GFRA1: variants seen among roughly 807,000 people sequenced by gnomAD.
The protein encoded by GFRA1 is GDNF family receptor alpha-1.
In GFRA1, 16 loss-of-function variants were observed where a neutral mutation model predicts 51.6. That is an observed-to-expected ratio of 0.31 (90% CI 0.21 to 0.47). The LOEUF (loss-of-function observed/expected upper bound fraction) is 0.47, where lower values mean the gene tolerates loss of function less well. Ranked by LOEUF, GFRA1 falls within the 20% of genes least tolerant of loss-of-function variation. The pLI is 1.00. For missense variants in GFRA1, 530 were observed against 594.3 expected (o/e 0.89, Z 1.13); for synonymous variants, 270 against 241.3 (o/e 1.12, Z -1.10).
At chr10:116,184,355 G>C (rs1213673168) in intron 5 of GFRA1, among the ~76,000 whole-genome samples, 1 of 152,046 alleles carries the variant, frequency 6.6e-6, no homozygotes, top group Non-Finnish European at 1.5e-5. Context: ...CACGCAGCTT[G>C]GAGGAGGGCA....
At chr10:116,117,557 G>GTGGATGGA (rs75233028) in intron 6 of GFRA1, among the ~76,000 whole-genome samples, 4,437 of 97,342 alleles carry the variant, frequency 0.046, 158 homozygotes, top group African/African-American at 0.076. Context: ...GGGTGGGTGT[G>GTGGATGGA]TGGATGGATG....
At chr10:116,237,649 T>C (rs1283261330) in intron 4 of GFRA1, among the ~76,000 whole-genome samples, 1 of 150,842 alleles carries the variant, frequency 6.6e-6, no homozygotes, top group Non-Finnish European at 1.5e-5. Context: ...CTTCTCTAGA[T>C]AGCTACATCC....
intron 5 of GFRA1, among the ~76,000 whole-genome samples, chr10:116,173,874 CG>C (rs1961303133): frequency 3.8e-5 from 1 of 25,992 alleles, no homozygotes; most frequent in Non-Finnish European, 8.5e-5. Flanking sequence ...GTCGGGAGTT[CG>C]ATCGAGACCA....
intron 6 of GFRA1, among the ~76,000 whole-genome samples, chr10:116,101,180 G>C (rs2694779): frequency 0.18 from 27,348 of 152,160 alleles, 2,497 homozygotes; most frequent in East Asian, 0.23. Flanking sequence ...CCTGGGTTAT[G>C]AATCACACTG....
At chr10:116,253,481 G>A (rs963469138) in intron 4 of GFRA1, among the ~76,000 whole-genome samples, 5 of 152,194 alleles carry the variant, frequency 3.3e-5, no homozygotes, top group Non-Finnish European at 7.3e-5. Context: ...TGGGGTGCAT[G>A]CCTGTAGTCC....
rs534173587 is a variant in GFRA1, at chr10:116,065,526, G to C, written c.1251+47C>G. On this transcript the variant is annotated intron_variant, in intron 10 of 10. Transcript: ENST00000355422. Reference sequence around the variant, plus strand: ...ATACCCTGCCCCCAGGGGCCCAAAGGCTATGTTTCTATAAATGCACGAAGC... The same window carrying C: ...ATACCCTGCCCCCAGGGGCCCAAAGCCTATGTTTCTATAAATGCACGAAGC... 18 of 1,491,212 alleles carry C rather than the reference G, an allele frequency of 1.2e-5. No individual in the cohort carries two copies. In the African/African-American group the frequency reaches 2.1e-4, roughly 17 times the overall value. 92.4% of individuals were successfully genotyped at this position (1,491,212 alleles called of 1,614,324 possible). A position where few individuals can be genotyped will look rare whatever the true frequency, so the allele number is the denominator to read the frequency against.
chr10:116,269,071 A>G (rs1238061695), intron 4 of GFRA1, among the ~76,000 whole-genome samples: 3 of 152,190 alleles, frequency 2.0e-5, no homozygotes, highest in Non-Finnish European at 2.9e-5. Flanking sequence ...TTTTTCAACA[A>G]TCTAAGATTA....
chr10:116,196,600 TATATATAGTACTATATATAATATATATA>T (rs1565643388), intron 5 of GFRA1, among the ~76,000 whole-genome samples: 113 of 5,134 alleles, frequency 0.022, 5 homozygotes, highest in African/African-American at 0.027. Context: ...ATATATAATA[TATATATAGTACTATATATAATATATATA>T]ATATATAGTA....
intron 9 of GFRA1, among the ~76,000 whole-genome samples, chr10:116,082,319 C>A (rs913024351): frequency 2.0e-5 from 3 of 152,060 alleles, no homozygotes; most frequent in African/African-American, 7.2e-5. Flanking sequence ...TCCCTGAAGA[C>A]CTAGTCCTTT....
rs1252622630 is a variant in GFRA1, at chr10:116,076,146, A to G, written c.1198-10520T>C. On this transcript the variant is annotated intron_variant, in intron 9 of 10. Coordinates refer to ENST00000355422, the MANE Select transcript of GFRA1 (RefSeq NM_005264.8). ...AGAATCACTAAGTGCTGTCCACTAC[A>G]TAGTACTAACATAGTACTGGGGTAC... 5.9e-5 allele frequency among the ~76,000 whole-genome samples: 9 copies of G among 152,026 alleles called. No homozygotes were observed. The East Asian group carries it at 1.2e-3, about 20-fold the overall frequency.
chr10:116,166,198 T>C (rs897174708), intron 5 of GFRA1, among the ~76,000 whole-genome samples: 14 of 152,240 alleles, frequency 9.2e-5, no homozygotes, highest in East Asian at 3.8e-4. Context: ...CAGTCTATCT[T>C]TGACAGGCAT....
Position 116,060,033 on chromosome 10 carries a change from T to G in GFRA1, c.*4365A>C, listed in dbSNP as rs1354780158. On this transcript the variant is annotated 3_prime_UTR_variant, in exon 11 of 11. Transcript: ENST00000355422. ...CTGAATAATAACGATGAAAGAGAGC[T>G]GAATCAGCCAATATCCTGATATAAA... 2.0e-5 allele frequency: 3 copies of G among 152,190 alleles called. No homozygotes were observed. Among genetic ancestry groups the G allele is most frequent in the Non-Finnish European group, 4.4e-5 (3 of 68,044 alleles). The allele number at this position is 152,190 out of a possible 1,614,324, so 9.4% of individuals were successfully genotyped here. A position where few individuals can be genotyped will look rare whatever the true frequency, so the allele number is the denominator to read the frequency against.
intron 5 of GFRA1, among the ~76,000 whole-genome samples, chr10:116,164,700 C>T (rs1960194164): frequency 6.6e-6 from 1 of 152,126 alleles, no homozygotes; most frequent in African/African-American, 2.4e-5. Flanking sequence ...TGACGGAATT[C>T]TTACTGTTAA....
intron 5 of GFRA1, among the ~76,000 whole-genome samples, chr10:116,160,826 C>G (rs1728909359): frequency 6.6e-6 from 1 of 152,208 alleles, no homozygotes; most frequent in South Asian, 2.1e-4. Context: ...ACATCCAATT[C>G]TATGCAAGCC....
chr10:116,077,050 T>A (rs1955647795), intron 9 of GFRA1, among the ~76,000 whole-genome samples: 1 of 152,188 alleles, frequency 6.6e-6, no homozygotes, highest in Non-Finnish European at 1.5e-5. Context: ...TTGGAGGTAT[T>A]CATAAGAGAC....
chr10:116,108,921 G>T (rs933545537), intron 6 of GFRA1, among the ~76,000 whole-genome samples: 2 of 152,202 alleles, frequency 1.3e-5, no homozygotes, highest in African/African-American at 4.8e-5. Flanking sequence ...GAATCTGACT[G>T]CCATAGAGTA....
intron 4 of GFRA1, among the ~76,000 whole-genome samples, chr10:116,228,618 A>G (rs1348233254): frequency 6.6e-6 from 1 of 152,170 alleles, no homozygotes; most frequent in African/African-American, 2.4e-5. Context: ...GAGAGTTACA[A>G]TGGTGAAAAA....
rs528427233 is a variant in GFRA1 at position 116,061,693 on chromosome 10, C to A, written c.*2705G>T. ...AAGACACCCAAACCTCAGCAGATAA[C>A]CCCTGTCTTCAGTGGCACCCCAAAT... On this transcript the variant is annotated 3_prime_UTR_variant, in exon 11 of 11. Coordinates refer to ENST00000355422, the MANE Select transcript of GFRA1 (RefSeq NM_005264.8). 3.6e-6 allele frequency: 1 copy of A among 279,340 alleles called. No homozygotes were observed. The highest frequency in any genetic ancestry group is 6.6e-6 in the Non-Finnish European group (1 of 151,160). 17.3% of individuals were successfully genotyped at this position (279,340 alleles called of 1,614,324 possible). A position where few individuals can be genotyped will look rare whatever the true frequency, so the allele number is the denominator to read the frequency against.
intron 5 of GFRA1, among the ~76,000 whole-genome samples, chr10:116,171,637 A>C (rs1289601693): frequency 1.3e-5 from 2 of 152,210 alleles, no homozygotes; most frequent in Admixed American, 1.3e-4. Flanking sequence ...TAATTAAATC[A>C]CCAGATTTAT....
Sources: gnomAD v4.1 joint callset for allele counts (sites outside exome capture counted in the v4.1 genomes callset) on GRCh38, gnomAD v4.1.1 for gene constraint, MANE v1.5 for transcripts, NCBI Gene and HGNC (gene_info 2026-07-23, HGNC 2026-07-21) for gene names.